The following RBM47 variants were observed in gnomAD, a reference collection of about 807,000 sequenced individuals.
RBM47 encodes the protein RNA-binding protein 47.
A neutral mutation model predicts 47.1 loss-of-function variants in RBM47; 21 were observed. That is an observed-to-expected ratio of 0.45 (90% CI 0.32 to 0.64). The LOEUF is 0.64. RBM47 is among the 30% of genes least tolerant of loss of function. The pLI is 0.05. For synonymous variants in RBM47, 375 were observed against 361.7 expected, an observed-to-expected ratio of 1.04 and a Z score of -0.42; for missense variants, 708 against 870.9, an observed-to-expected ratio of 0.81 and a Z score of 2.35.
At chr4:40,474,798 T>A (rs1370909789) in intron 2 of RBM47, among the ~76,000 whole-genome samples, 1 of 152,226 alleles carries the variant, frequency 6.6e-6, no homozygotes, top group Non-Finnish European at 1.5e-5. Context: ...TGACACTAAA[T>A]ATCAGATGTA....
chr4:40,438,510 C>T lies in RBM47; in HGVS notation c.384G>A (p.Val128=), dbSNP rs1200911783. The T allele has an allele frequency of 1.2e-6, 2 of 1,613,742 alleles. No individual in the cohort carries two copies. The highest frequency in any genetic ancestry group is 1.3e-5 in the African/African-American group (1 of 75,054). The change falls in exon 4 of 7, where the codon GTG becomes GTA. Residue 128 remains valine, a synonymous_variant. Transcript: ENST00000295971. ...GGATCTCGTAGTTGTTGAGCTCACG[C>T]ACTGCGCGCTTGGCCTCGTGCTTGT... ...YCHKHEAKRA[V]RELNNYEIRP... is the part of the protein sequence containing the mutation.
At chr4:40,557,136 A>C (rs1730178100) in intron 1 of RBM47, among the ~76,000 whole-genome samples, 2 of 152,164 alleles carry the variant, frequency 1.3e-5, no homozygotes, top group Non-Finnish European at 2.9e-5. Flanking sequence ...ATTTGGGCCC[A>C]CAGTGTGCTT....
chr4:40,438,362 C>G lies in RBM47; in HGVS notation c.532G>C (p.Val178Leu). ...CTGGCGTAGACGATCACGTCCAGCA[C>G]GCCCTCGGTGACCTTGGCAATCTCC... The part of the protein sequence containing the change: ...LEEIAKVTEG[V>L]LDVIVYASAA... Residue 178 changes from valine (V) to leucine (L), a missense_variant, in exon 4 of 7, where the codon GTG becomes CTG. Transcript: ENST00000295971. The G allele has an allele frequency of 6.2e-7, 1 of 1,612,132 alleles. No individual in the cohort carries two copies. Among genetic ancestry groups the G allele is most frequent in the South Asian group, 1.1e-5 (1 of 91,088 alleles).
chr4:40,530,647 G>C (rs533617677), intron 2 of RBM47, among the ~76,000 whole-genome samples: 7 of 152,298 alleles, frequency 4.6e-5, no homozygotes, highest in Admixed American at 1.3e-4. Flanking sequence ...TGTGTGGCTA[G>C]GGACTTCCGT....
intron 1 of RBM47, among the ~76,000 whole-genome samples, chr4:40,563,683 T>G (rs182162318): frequency 1.8e-4 from 27 of 152,336 alleles, no homozygotes; most frequent in African/African-American, 5.5e-4. Context: ...CCCCATGTGC[T>G]AAGCTTGCTT....
rs572455452 is a variant in RBM47, at chr4:40,467,347, TTGC to T, written c.-154-651_-154-649del. Reference sequence around the variant, plus strand: ...CTCTGTCGCCCAGGCTGGAGTGCAGTTGCGTAGTCTCGGCTCACTGCAAACGCC... The same window carrying T: ...CTCTGTCGCCCAGGCTGGAGTGCAGTGTAGTCTCGGCTCACTGCAAACGCC... On this transcript the variant is annotated intron_variant, in intron 2 of 6. Transcript: ENST00000295971. Among the ~76,000 whole-genome samples the T allele has an allele frequency of 3.7e-3, 565 of 152,136 alleles. 4 individuals carry two copies. Among genetic ancestry groups the T allele is most frequent in the African/African-American group, 0.013 (534 of 41,506 alleles).
chr4:40,570,593 AC>A (rs35234583), intron 1 of RBM47, among the ~76,000 whole-genome samples: 5,309 of 151,936 alleles, frequency 0.035, 330 homozygotes, highest in African/African-American at 0.12. Flanking sequence ...CCTGCCTGGA[AC>A]CCCTGATCTA....
intron 1 of RBM47, among the ~76,000 whole-genome samples, chr4:40,608,761 A>G (rs553692376): frequency 2.0e-5 from 3 of 152,286 alleles, no homozygotes; most frequent in African/African-American, 4.8e-5. Flanking sequence ...GTACAATCCT[A>G]AAATTCTGGC....
At chr4:40,559,681 G>C (rs557249410) in intron 1 of RBM47, among the ~76,000 whole-genome samples, 3 of 152,034 alleles carry the variant, frequency 2.0e-5, no homozygotes, top group African/African-American at 7.2e-5. Context: ...CATCCTCTAA[G>C]GTCCCACCCA....
intron 2 of RBM47, among the ~76,000 whole-genome samples, chr4:40,486,157 T>G (rs1365214018): frequency 1.3e-5 from 2 of 151,628 alleles, no homozygotes; most frequent in Non-Finnish European, 1.5e-5. Flanking sequence ...ACTGATTATT[T>G]ATCTGAATTT....
At chr4:40,524,922 T>C (rs759721020) in intron 2 of RBM47, among the ~76,000 whole-genome samples, 9 of 152,194 alleles carry the variant, frequency 5.9e-5, no homozygotes, top group Non-Finnish European at 1.3e-4. Flanking sequence ...CAAGCCAAGG[T>C]CCTGTTTTTC....
chr4:40,501,157 G>A (rs779412196), intron 2 of RBM47, among the ~76,000 whole-genome samples: 21 of 152,096 alleles, frequency 1.4e-4, no homozygotes, highest in Non-Finnish European at 2.9e-4. Flanking sequence ...TTATCGTGAC[G>A]AGTAAAATAA....
chr4:40,525,810 C>A (rs1465736647), intron 2 of RBM47, among the ~76,000 whole-genome samples: 1 of 152,022 alleles, frequency 6.6e-6, no homozygotes, highest in Admixed American at 6.6e-5. Context: ...CAGTGAGCAT[C>A]AGAAAGAAAA....
chr4:40,467,909 C>A (rs1301833305), intron 2 of RBM47, among the ~76,000 whole-genome samples: 1 of 152,100 alleles, frequency 6.6e-6, no homozygotes, highest in Admixed American at 6.6e-5. Context: ...AGACTGGGAA[C>A]CAGAAGGCTA....
chr4:40,609,878 TGAGGTCAG>T (rs1218105768), intron 1 of RBM47, among the ~76,000 whole-genome samples: 2 of 151,054 alleles, frequency 1.3e-5, no homozygotes, highest in Non-Finnish European at 3.0e-5. Flanking sequence ...GCAGATCACC[TGAGGTCAG>T]GAGTTCAAGA....
chr4:40,624,348 C>T (rs1192712542), intron 1 of RBM47, among the ~76,000 whole-genome samples: 1 of 152,174 alleles, frequency 6.6e-6, no homozygotes, highest in Non-Finnish European at 1.5e-5. Context: ...AATAGCCATC[C>T]TTTCCCTAAA....
At chr4:40,522,965 ATCT>A (rs1470815948) in intron 2 of RBM47, among the ~76,000 whole-genome samples, 1 of 144,032 alleles carries the variant, frequency 6.9e-6, no homozygotes, top group African/African-American at 2.7e-5. Flanking sequence ...TTTCTCAAAA[ATCT>A]TTTTTTTTTT....
At chr4:40,502,695 A>T (rs781674634) in intron 2 of RBM47, among the ~76,000 whole-genome samples, 3 of 152,146 alleles carry the variant, frequency 2.0e-5, no homozygotes, top group Non-Finnish European at 2.9e-5. Context: ...AAAATTTAAA[A>T]GTCAGCCAGG....
chr4:40,566,095 A>T (rs184962165), intron 1 of RBM47, among the ~76,000 whole-genome samples: 1 of 152,162 alleles, frequency 6.6e-6, no homozygotes, highest in Non-Finnish European at 1.5e-5. Context: ...AAGGAAAAAG[A>T]TGGACAGAAT....
Sources: gnomAD v4.1 joint callset for allele counts (sites outside exome capture counted in the v4.1 genomes callset) on GRCh38, gnomAD v4.1.1 for gene constraint, MANE v1.5 for transcripts, NCBI Gene and HGNC (gene_info 2026-07-23, HGNC 2026-07-21) for gene names.